The following DUSP15 variants were observed in gnomAD, a reference collection of about 807,000 sequenced individuals.
DUSP15 encodes dual specificity protein phosphatase 15.
In DUSP15, 23 loss-of-function variants were observed where a neutral mutation model predicts 26.3. The ratio of observed to expected loss-of-function variants is 0.87; its 90% CI spans 0.63 to 1.24. The LOEUF is 1.24. DUSP15 is among the 50% of genes most tolerant of loss of function. The probability of loss-of-function intolerance (pLI) is 0.00; values close to 1 mark genes in which losing one functional copy is unlikely to be tolerated. For missense variants in DUSP15, 364 were observed against 320.6 expected (o/e 1.14, Z -1.03); for synonymous variants, 143 against 135.5 (o/e 1.06, Z -0.39).
At chr20:31,856,618 C>G (rs1055982116), downstream of DUSP15, among the ~76,000 whole-genome samples, 3 of 151,922 alleles carry the variant, frequency 2.0e-5, no homozygotes, top group Admixed American at 6.6e-5. Context: ...GTTCAGATAC[C>G]CAGGTGGCAG....
At chr20:31,848,579 TG>T in intron 9 of DUSP15, 1 of 1,557,712 alleles carries the variant, frequency 6.4e-7, no homozygotes, top group Non-Finnish European at 8.7e-7. Flanking sequence ...CGGGGGCGGG[TG>T]GGGCGATGAG....
chr20:31,865,659 G>T (rs2062750533), intron 3 of DUSP15, among the ~76,000 whole-genome samples: 1 of 152,126 alleles, frequency 6.6e-6, no homozygotes, highest in South Asian at 2.1e-4. Context: ...AGTAACTAAG[G>T]GACCACCAGC....
intron 6 of DUSP15, among the ~76,000 whole-genome samples, chr20:31,852,280 A>G (rs1247021310): frequency 6.6e-6 from 1 of 152,150 alleles, no homozygotes; most frequent in Non-Finnish European, 1.5e-5. Context: ...AACTGCTGGG[A>G]TTACAGTTGT....
At chr20:31,866,498 A>G (rs1206677903) in intron 3 of DUSP15, among the ~76,000 whole-genome samples, 1 of 152,138 alleles carries the variant, frequency 6.6e-6, no homozygotes, top group Non-Finnish European at 1.5e-5. Context: ...TGTAGTCTGG[A>G]TTTATTACTT....
downstream of DUSP15, among the ~76,000 whole-genome samples, chr20:31,846,223 GAC>G (rs532995299): frequency 1.8e-4 from 26 of 144,800 alleles, no homozygotes; most frequent in Non-Finnish European, 3.1e-4. Context: ...CATACACACA[GAC>G]ACACACACAA....
downstream of DUSP15, among the ~76,000 whole-genome samples, chr20:31,858,838 C>G (rs983278920): frequency 2.0e-5 from 3 of 152,190 alleles, no homozygotes; most frequent in African/African-American, 4.8e-5. This position sits in a 1 kb window ranked among gnomAD's most constrained non-coding sequence, Gnocchi z 4.4. Flanking sequence ...CTCATGACCT[C>G]CATCCCAGAT....
intron 3 of DUSP15, among the ~76,000 whole-genome samples, chr20:31,866,088 A>G (rs1038501946): frequency 6.6e-6 from 1 of 152,214 alleles, no homozygotes; most frequent in African/African-American, 2.4e-5. Flanking sequence ...GGTTGCTGTT[A>G]GAGAATATCA....
Position 31,869,637 on chromosome 20 carries a change from G to C in DUSP15, c.22-40C>G, listed in dbSNP as rs910888380. On this transcript the variant is annotated intron_variant, in intron 1 of 6. Coordinates refer to ENST00000339738, the MANE Select transcript of DUSP15 (RefSeq NM_080611.5). ...GGCAAGGGTCAGTGGGGCAGGGGCT[G>C]CACCCCCTTCCACCCCCAGGGCAGC... The C allele has an allele frequency of 2.5e-6, 4 of 1,610,876 alleles. No individual in the cohort carries two copies. In the African/African-American group the frequency reaches 4.0e-5, roughly 16 times the overall value.
Position 31,861,686 on chromosome 20 carries a change from CGGGTGAGGTGGGCG to C in DUSP15, c.436-25_436-12del. 1 of 256,488 alleles carries C rather than the reference CGGGTGAGGTGGGCG, an allele frequency of 3.9e-6. No homozygotes were observed. The highest frequency in any genetic ancestry group is 6.6e-6 in the Non-Finnish European group (1 of 152,494). 15.9% of individuals were successfully genotyped at this position (256,488 alleles called of 1,614,324 possible). A position where few individuals can be genotyped will look rare whatever the true frequency, so the allele number is the denominator to read the frequency against. ...CAGCTGCCGGCGAAGCTGGGGTGGG[CGGGTGAGGTGGGCG>C]GGGTCAAGGCCGGCGCGGGGCGGGG... On this transcript the variant is annotated splice_polypyrimidine_tract_variant and intron_variant, in intron 6 of 6. Coordinates refer to ENST00000339738, the MANE Select transcript of DUSP15 (RefSeq NM_080611.5).
chr20:31,857,357 A>G (rs530266930), downstream of DUSP15, among the ~76,000 whole-genome samples: 11 of 149,656 alleles, frequency 7.4e-5, no homozygotes, highest in Non-Finnish European at 1.3e-4. Flanking sequence ...GGCTCTCACT[A>G]TGTTGCCCAG....
chr20:31,867,553 A>G (rs1336138566), intron 2 of DUSP15, among the ~76,000 whole-genome samples: 2 of 150,478 alleles, frequency 1.3e-5, no homozygotes, highest in Admixed American at 6.6e-5. Flanking sequence ...TGGATGATTA[A>G]TGGTGTAGGC....
rs1312113533 is a variant in DUSP15 at position 31,863,919 on chromosome 20, C to A, written c.251G>T (p.Cys84Phe). ...CCGCTTAACTCACCAGTGCACAAGG[C>A]AGTTCCCCCCATTAAGGCGGCAGCA... ...IHCCRLNGGN[C>F]LVHCFAGISR... Residue 84 changes from cysteine to phenylalanine, a missense_variant, in exon 5 of 7, where the codon TGC becomes TTC. Transcript: ENST00000339738. The A allele has an allele frequency of 6.2e-7, 1 of 1,614,062 alleles. No individual in the cohort carries two copies. Among genetic ancestry groups the A allele is most frequent in the Admixed American group, 1.7e-5 (1 of 60,018 alleles).
intron 6 of DUSP15, among the ~76,000 whole-genome samples, chr20:31,851,891 G>T (rs2062476013): frequency 6.6e-6 from 1 of 152,120 alleles, no homozygotes; most frequent in African/African-American, 2.4e-5. Context: ...CTATTCCCTG[G>T]GCCCCAGGAG....
Position 31,870,446 on chromosome 20 carries a change from C to G in DUSP15, c.-109G>C. On this transcript the variant is annotated 5_prime_UTR_variant, in exon 1 of 7. Transcript: ENST00000339738. This position sits in a 1 kb window ranked among gnomAD's most constrained non-coding sequence, Gnocchi z 6.6. The stretch of plus-strand genomic sequence containing the variant: ...CCGACGCCTGCAGCCTGGCGGGGAA[C>G]GGGGGGCCTGGCGTCCGCGGCCCTG... 1 of 1,288,080 alleles carries G rather than the reference C, an allele frequency of 7.8e-7. No individual in the cohort carries two copies. Among genetic ancestry groups the G allele is most frequent in the East Asian group, 3.1e-5 (1 of 32,068 alleles). 79.8% of individuals were successfully genotyped at this position (1,288,080 alleles called of 1,614,324 possible). A position where few individuals can be genotyped will look rare whatever the true frequency, so the allele number is the denominator to read the frequency against.
chr20:31,869,495 A>T, intron 2 of DUSP15, 69 bp downstream of exon 2: 1 of 1,570,718 alleles, frequency 6.4e-7, no homozygotes, highest in Non-Finnish European at 8.7e-7. Context: ...GGGCCAGGGC[A>T]TGAATGGTGG....
chr20:31,863,983 T>C lies in DUSP15; in HGVS notation c.189-2A>G, dbSNP rs1316337476. 5.6e-6 allele frequency: 9 copies of C among 1,613,916 alleles called. No individual in the cohort carries two copies. Among genetic ancestry groups the C allele is most frequent in the Non-Finnish European group, 7.6e-6 (9 of 1,179,906 alleles). ...ATACATTCTTTGAAGTGCTTTTTGCTAGAGGAGAAAGCAATAGGGTAGGGA... is the reference window on the plus strand; with the variant it reads ...ATACATTCTTTGAAGTGCTTTTTGCCAGAGGAGAAAGCAATAGGGTAGGGA... On this transcript the variant is annotated splice_acceptor_variant, in intron 4 of 6. Coordinates refer to ENST00000339738, the MANE Select transcript of DUSP15 (RefSeq NM_080611.5). LOFTEE classifies it high-confidence loss of function.
In DUSP15 at chr20:31,848,005, G is replaced by T. The variant is rs548004086; in HGVS notation, c.*399C>A. 9 of 162,292 alleles carry T rather than the reference G, an allele frequency of 5.5e-5. No homozygotes were observed. In the South Asian group the frequency reaches 1.6e-3, roughly 29 times the overall value. The allele number at this position is 162,292 out of a possible 1,614,324, so 10.1% of individuals were successfully genotyped here. On this transcript the variant is annotated 3_prime_UTR_variant, in exon 10 of 10. Transcript: ENST00000278979. The stretch of plus-strand genomic sequence containing the variant: ...TGAGAGGCTAGGCAGTTTTGTTATG[G>T]CTTGATCCCACACTAAACAACCCTG...
chr20:31,861,508 C>A lies in DUSP15; in HGVS notation c.603G>T (p.Val201=). 1 of 1,529,040 alleles carries A rather than the reference C, an allele frequency of 6.5e-7. No individual in the cohort carries two copies. The allele number at this position is 1,529,040 out of a possible 1,614,324, so 94.7% of individuals were successfully genotyped here. ...GGTGGGCTTCCCGGGGCGTGCGCGG[C>A]ACCAGGCGCTGCACGGTTCCCTCGG... ...AASEGTVQRL[V]PRTPREAHRP... Residue 201 remains valine, a synonymous_variant, in exon 7 of 7, where the codon GTG becomes GTT. Transcript: ENST00000339738.
Position 31,861,457 on chromosome 20 carries a change from G to C in DUSP15, c.654C>G (p.Val218=). The change falls in exon 7 of 7, where the codon GTC becomes GTG. Residue 218 remains valine, a synonymous_variant. Transcript: ENST00000339738. The part of the protein sequence containing the change: ...AHRPLPLLAR[V]KQTFSCLPRC... Reference sequence around the variant, plus strand: ...GGGGGAGGCAAGAGAAAGTCTGCTTGACGCGCGCCAGCAGCGGCAGCGGCC... The same window carrying C: ...GGGGGAGGCAAGAGAAAGTCTGCTTCACGCGCGCCAGCAGCGGCAGCGGCC... 1 of 1,556,804 alleles carries C rather than the reference G, an allele frequency of 6.4e-7. No homozygotes were observed. The highest frequency in any genetic ancestry group is 8.6e-7 in the Non-Finnish European group (1 of 1,162,014).
Sources: gnomAD v4.1 joint callset for allele counts (sites outside exome capture counted in the v4.1 genomes callset) on GRCh38, gnomAD v4.1.1 for gene constraint, Gnocchi (gnomAD v3.1) non-coding constraint, MANE v1.5 for transcripts, NCBI Gene and HGNC (gene_info 2026-07-23, HGNC 2026-07-21) for gene names.